LMNB2: variants seen among roughly 807,000 people sequenced by gnomAD.
The protein encoded by LMNB2 is lamin B2, also known as lamin-B2.
A neutral mutation model predicts 69.3 loss-of-function variants in LMNB2; 17 were observed. The observed-to-expected ratio is 0.25, with a 90% CI of 0.17 to 0.37. The LOEUF (loss-of-function observed/expected upper bound fraction) is 0.37, where lower values mean the gene tolerates loss of function less well. Among genes scored for constraint, LMNB2 ranks in the 10% least tolerant of loss-of-function variants. The pLI is 1.00. For synonymous variants in LMNB2, 397 were observed against 389.3 expected, an observed-to-expected ratio of 1.02 and a Z score of -0.23; for missense variants, 789 against 883.6, an observed-to-expected ratio of 0.89 and a Z score of 1.36.
intron 1 of LMNB2, among the ~76,000 whole-genome samples, chr19:2,446,046 G>C (rs1485428723): frequency 2.3e-5 from 1 of 42,666 alleles, no homozygotes; most frequent in Non-Finnish European, 4.3e-5. Context: ...CAATCACAGG[G>C]ATCTGTAGTC....
chr19:2,430,970 G>T lies in LMNB2; in HGVS notation c.1822-18C>A. ...GGGTCCCCCTGCAGGAAGGAAGGAA[G>T]GAAGGTCGGCCATGATCAGGGCCAG... On this transcript the variant is annotated intron_variant, in intron 11 of 11. Coordinates refer to ENST00000325327, the MANE Select transcript of LMNB2 (RefSeq NM_032737.4). 6.2e-7 allele frequency: 1 copy of T among 1,600,742 alleles called. No homozygotes were observed. Among genetic ancestry groups the T allele is most frequent in the Non-Finnish European group, 8.6e-7 (1 of 1,168,732 alleles).
intron 6 of LMNB2, 69 bp downstream of exon 6, chr19:2,434,719 C>A: frequency 6.5e-7 from 1 of 1,548,558 alleles, no homozygotes; most frequent in Non-Finnish European, 8.7e-7. Flanking sequence ...GCCCCACGCC[C>A]CGCACATCCA....
intron 1 of LMNB2, 87 bp from the exon 2 acceptor site, chr19:2,444,627 A>C: frequency 1.3e-6 from 2 of 1,546,222 alleles, no homozygotes; most frequent in Non-Finnish European, 1.8e-6. Flanking sequence ...GGCCCTGCTC[A>C]GATTCCCAGG....
At chr19:2,444,623 G>C in intron 1 of LMNB2, 83 bp from the exon 2 acceptor site, 1 of 1,551,540 alleles carries the variant, frequency 6.4e-7, no homozygotes, top group South Asian at 1.1e-5. Context: ...CACTGGCCCT[G>C]CTCAGATTCC....
In LMNB2 at chr19:2,434,426, C is replaced by A; in HGVS notation, c.1071G>T (p.Glu357Asp). 6.2e-7 allele frequency: 1 copy of A among 1,613,528 alleles called. No homozygotes were observed. Among genetic ancestry groups the A allele is most frequent in the Non-Finnish European group, 8.5e-7 (1 of 1,179,998 alleles). ...CGTCCCGCATCTCCGTCATCTCCTGCTCCTTGGCGTCCAGCATCTTCCGGA... is the reference window on the plus strand; with the variant it reads ...CGTCCCGCATCTCCGTCATCTCCTGATCCTTGGCGTCCAGCATCTTCCGGA... ...DKFRKMLDAK[E>D]QEMTEMRDVM... Residue 357 changes from glutamate to aspartate, a missense_variant, in exon 7 of 12, where the codon GAG becomes GAT. Glu to Asp is a conservative substitution (Grantham distance 45). Around this residue, in one of 3 missense-constraint regions of LMNB2, gnomAD observed 609 missense variants for 630.9 expected, o/e 0.97. Transcript: ENST00000325327.
In LMNB2 at chr19:2,428,642, T is replaced by C. The variant is rs2047117014; in HGVS notation, c.*2269A>G. The stretch of plus-strand genomic sequence containing the variant: ...CCCAGGGCTGGGTGGCGTCTGATGC[T>C]TCGCAGGGAGGGCGCTAGGCTTCGA... On this transcript the variant is annotated 3_prime_UTR_variant, in exon 12 of 12. Coordinates refer to ENST00000325327, the MANE Select transcript of LMNB2 (RefSeq NM_032737.4). 1 of 152,324 alleles carries C rather than the reference T, an allele frequency of 6.6e-6. No individual in the cohort carries two copies. Among genetic ancestry groups the C allele is most frequent in the African/African-American group, 2.4e-5 (1 of 41,468 alleles). The allele number at this position is 152,324 out of a possible 1,614,324, so 9.4% of individuals were successfully genotyped here.
At chr19:2,445,762 G>C (rs1260750963) in intron 1 of LMNB2, among the ~76,000 whole-genome samples, 1 of 58,298 alleles carries the variant, frequency 1.7e-5, no homozygotes, top group African/African-American at 7.7e-5. Flanking sequence ...TTCACCCCTC[G>C]ATCACAGGGA....
intron 4 of LMNB2, among the ~76,000 whole-genome samples, chr19:2,436,501 G>A (rs1219721130): frequency 4.0e-5 from 6 of 151,404 alleles, no homozygotes; most frequent in Non-Finnish European, 8.9e-5. Flanking sequence ...TGCGGGCCGC[G>A]CACCCACCTC....
Position 2,430,844 on chromosome 19 carries a change from C to T in LMNB2, c.*67G>A. The T allele has an allele frequency of 9.7e-7, 1 of 1,025,732 alleles. No homozygotes were observed. Among genetic ancestry groups the T allele is most frequent in the Non-Finnish European group, 1.6e-6 (1 of 642,248 alleles). The allele number at this position is 1,025,732 out of a possible 1,614,324, so 63.5% of individuals were successfully genotyped here. A position where few individuals can be genotyped will look rare whatever the true frequency, so the allele number is the denominator to read the frequency against. ...GAAATGTATCAAGAACTAAAGAAAG[C>T]CAATGATATAAAAATAGTTTTCAGT... is the stretch of plus-strand genomic sequence containing the variant. On this transcript the variant is annotated 3_prime_UTR_variant, in exon 12 of 12. Coordinates refer to ENST00000325327, the MANE Select transcript of LMNB2 (RefSeq NM_032737.4).
At chr19:2,432,745 C>G (rs867502902) in intron 8 of LMNB2, among the ~76,000 whole-genome samples, 22 of 150,520 alleles carry the variant, frequency 1.5e-4, no homozygotes, top group Middle Eastern at 7.0e-3. Flanking sequence ...CTAGGTCACT[C>G]CATTACCCCT....
At chr19:2,446,271 G>C (rs2145465305) in intron 1 of LMNB2, among the ~76,000 whole-genome samples, 1 of 151,750 alleles carries the variant, frequency 6.6e-6, no homozygotes, top group East Asian at 1.9e-4. Flanking sequence ...AGGACATGGG[G>C]AGGGGCTGGA....
chr19:2,432,649 C>T (rs1480396339), intron 8 of LMNB2, 126 bp from the exon 9 acceptor site: 5 of 791,928 alleles, frequency 6.3e-6, no homozygotes, highest in Admixed American at 1.8e-5. Context: ...CCCATTACCC[C>T]CATGCCCTGG....
At chr19:2,432,637 AC>A (rs1293034045) in intron 8 of LMNB2, 114 bp from the exon 9 acceptor site, 2 of 817,896 alleles carry the variant, frequency 2.4e-6, no homozygotes, top group African/African-American at 1.8e-5. Flanking sequence ...CAGCTAGGTC[AC>A]CCCATTACCC....
rs542328540 is a variant in LMNB2, at chr19:2,434,593, T to C, written c.982-78A>G. On this transcript the variant is annotated intron_variant, in intron 6 of 11. Transcript: ENST00000325327. ...CAGGTGATCCTGGGACTGCGGGAGA[T>C]GGGCCCTCACCACAGACTGGGGCAG... 24 of 1,539,358 alleles carry C rather than the reference T, an allele frequency of 1.6e-5. No individual in the cohort carries two copies. In the East Asian group the frequency reaches 4.9e-4, roughly 32 times the overall value.
intron 1 of LMNB2, among the ~76,000 whole-genome samples, chr19:2,451,197 G>A (rs1189853114): frequency 1.3e-5 from 2 of 152,132 alleles, no homozygotes; most frequent in African/African-American, 4.8e-5. Context: ...TGAAGTGAGC[G>A]GAGATTGTGC....
chr19:2,439,794 C>T lies in LMNB2; in HGVS notation c.402-1263G>A, dbSNP rs550163775. 5.9e-4 allele frequency among the ~76,000 whole-genome samples: 88 copies of T among 150,158 alleles called. No individual in the cohort carries two copies. The Middle Eastern group carries it at 0.014, about 24-fold the overall frequency. Reference sequence around the variant, plus strand: ...TGTTGCCCAGGCTGGATTGCAATGGCGTGATCTCGGCTCACTGCAACCTCC... The same window carrying T: ...TGTTGCCCAGGCTGGATTGCAATGGTGTGATCTCGGCTCACTGCAACCTCC... On this transcript the variant is annotated intron_variant, in intron 2 of 11. Transcript: ENST00000325327.
chr19:2,450,770 T>C (rs1972012902), intron 1 of LMNB2, among the ~76,000 whole-genome samples: 1 of 151,962 alleles, frequency 6.6e-6, no homozygotes, highest in Non-Finnish European at 1.5e-5. Flanking sequence ...TAACTGGGAC[T>C]ATAGCCGTGC....
Position 2,445,124 on chromosome 19 carries a change from C to T in LMNB2, c.265-584G>A, listed in dbSNP as rs550554528. ...ACTCTCGGACAACTGGTGATGACAG[C>T]AACCCGGGGCCCTCCCAGACCCCAC... is the stretch of plus-strand genomic sequence containing the variant. On this transcript the variant is annotated intron_variant, in intron 1 of 11. Coordinates refer to ENST00000325327, the MANE Select transcript of LMNB2 (RefSeq NM_032737.4). Among the ~76,000 whole-genome samples, 27 of 152,216 alleles carry T rather than the reference C, an allele frequency of 1.8e-4. No homozygotes were observed. In the South Asian group the frequency reaches 5.2e-3, roughly 29 times the overall value.
At chr19:2,439,737 C>CT (rs111663913) in intron 2 of LMNB2, among the ~76,000 whole-genome samples, 187 of 143,254 alleles carry the variant, frequency 1.3e-3, no homozygotes, top group East Asian at 9.2e-3. Flanking sequence ...TCCCTAGAGC[C>CT]TTTTTTTTTT....
Sources: gnomAD v4.1 joint callset for allele counts (sites outside exome capture counted in the v4.1 genomes callset) on GRCh38, gnomAD v4.1.1 for gene constraint, gnomAD v4.1.1 regional missense constraint, MANE v1.5 for transcripts, NCBI Gene and HGNC (gene_info 2026-07-23, HGNC 2026-07-21) for gene names.